CHN2: variants seen among roughly 807,000 people sequenced by gnomAD.
CHN2 encodes the protein chimerin 2.
Under a neutral mutation model 56.3 loss-of-function variants are expected in CHN2, and 35 were observed. The ratio of observed to expected loss-of-function variants is 0.62; its 90% CI spans 0.47 to 0.82. The LOEUF is 0.82. CHN2 is among the 40% of genes least tolerant of loss of function. CHN2 has a pLI of 0.00. For missense variants in CHN2, 491 were observed against 580.5 expected, an observed-to-expected ratio of 0.85 and a Z score of 1.58; for synonymous variants, 210 against 212.8, an observed-to-expected ratio of 0.99 and a Z score of 0.12.
At chr7:29,445,196 G>A (rs927621624) in intron 6 of CHN2, 2 of 455,454 alleles carry the variant, frequency 4.4e-6, no homozygotes, top group Admixed American at 4.7e-5. Flanking sequence ...CAGACCCACA[G>A]AATAAGTAAG....
chr7:29,280,839 A>G (rs1472130837), intron 1 of CHN2, among the ~76,000 whole-genome samples: 1 of 152,022 alleles, frequency 6.6e-6, no homozygotes, highest in Non-Finnish European at 1.5e-5. Flanking sequence ...GCTCATGCCT[A>G]TAATCCCAGC....
chr7:29,409,761 G>A (rs12537629), intron 6 of CHN2, among the ~76,000 whole-genome samples: 8,179 of 152,296 alleles, frequency 0.054, 339 homozygotes, highest in Admixed American at 0.11. Flanking sequence ...TTGACATCAT[G>A]GACTCTCTAA....
At chr7:29,207,186 A>G (rs1376854117) in intron 1 of CHN2, among the ~76,000 whole-genome samples, 1 of 152,256 alleles carries the variant, frequency 6.6e-6, no homozygotes, top group African/African-American at 2.4e-5. Flanking sequence ...TGAATCAGTC[A>G]TAACGTGAGC....
Position 29,411,020 on chromosome 7 carries a change from TCTTA to T in CHN2, c.576+10196_576+10199del, listed in dbSNP as rs1308982221. 2.6e-5 allele frequency among the ~76,000 whole-genome samples: 4 copies of T among 152,172 alleles called. No homozygotes were observed. In the East Asian group the frequency reaches 7.7e-4, roughly 29 times the overall value. On this transcript the variant is annotated intron_variant, in intron 6 of 12. Transcript: ENST00000222792. ...TTTTAAAATCTTGCCTTCCCCACCT[TCTTA>T]CTTTAATCAGATCAAATAAACATTT...
At chr7:29,357,776 AT>A (rs1798418510) in intron 2 of CHN2, among the ~76,000 whole-genome samples, 1 of 152,220 alleles carries the variant, frequency 6.6e-6, no homozygotes, top group Non-Finnish European at 1.5e-5. Context: ...AAAAATCCAA[AT>A]ATGCTAAAAT....
At chr7:29,191,940 G>T (rs759091634), upstream of CHN2, 28 of 152,220 alleles carry the variant, frequency 1.8e-4, no homozygotes, top group Non-Finnish European at 4.0e-4. Context: ...GCAAGGAGCA[G>T]CCAGCCTTCA....
At chr7:29,164,779 C>CAAAAAAAAAAAAAAAAAAAAAAAAAAAAA (rs55742522) in intron 2 of CHN2, among the ~76,000 whole-genome samples, 1 of 85,880 alleles carries the variant, frequency 1.2e-5, no homozygotes. Flanking sequence ...AGACCTGTCT[C>CAAAAAAAAAAAAAAAAAAAAAAAAAAAAA]AAAAAAAAAA....
chr7:29,248,840 G>A (rs932254291), intron 1 of CHN2, among the ~76,000 whole-genome samples: 11 of 152,126 alleles, frequency 7.2e-5, no homozygotes, highest in African/African-American at 2.7e-4. Context: ...CTGGCCATGT[G>A]ACTCTGGAGA....
intron 6 of CHN2, among the ~76,000 whole-genome samples, chr7:29,444,561 T>G (rs953172674): frequency 2.0e-5 from 3 of 152,226 alleles, no homozygotes; most frequent in Non-Finnish European, 2.9e-5. Context: ...CCACGTGACT[T>G]CTGTTTCCAG....
intron 1 of CHN2, among the ~76,000 whole-genome samples, chr7:29,336,759 CAAAAAAAAAAAAAAA>C (rs5883205): frequency 1.3e-4 from 9 of 68,580 alleles, no homozygotes; most frequent in East Asian, 5.3e-4. Context: ...GATTCTGTCT[CAAAAAAAAAAAAAAA>C]AAAAAAAAAA....
At chr7:29,371,043 A>G (rs10281468) in intron 3 of CHN2, among the ~76,000 whole-genome samples, 4,522 of 152,292 alleles carry the variant, frequency 0.03, 234 homozygotes, top group African/African-American at 0.1. Flanking sequence ...CAGGGTTGCT[A>G]TAAATGGCAT....
intron 7 of CHN2, among the ~76,000 whole-genome samples, chr7:29,481,815 G>A (rs1217439193): frequency 6.6e-6 from 1 of 151,986 alleles, no homozygotes; most frequent in Non-Finnish European, 1.5e-5. Context: ...TCATGGACTT[G>A]TAAATTCTTT....
intron 1 of CHN2, among the ~76,000 whole-genome samples, chr7:29,282,816 T>C (rs936757121): frequency 3.3e-5 from 5 of 152,172 alleles, no homozygotes; most frequent in African/African-American, 1.2e-4. Flanking sequence ...GACATAATCT[T>C]ATTTGCTGGC....
chr7:29,431,721 C>T (rs1183139805), intron 6 of CHN2, among the ~76,000 whole-genome samples: 1 of 152,190 alleles, frequency 6.6e-6, no homozygotes, highest in African/African-American at 2.4e-5. Flanking sequence ...CAGTCATGAA[C>T]CGAGACCATC....
At chr7:29,320,421 A>G (rs1389240137) in intron 1 of CHN2, among the ~76,000 whole-genome samples, 1 of 152,130 alleles carries the variant, frequency 6.6e-6, no homozygotes, top group Non-Finnish European at 1.5e-5. Context: ...CATCCTTGCA[A>G]AGGTTTGCCA....
In CHN2 at chr7:29,393,593, C is replaced by A. The variant is rs1349367888; in HGVS notation, c.145-86C>A. On this transcript the variant is annotated intron_variant, in intron 3 of 12. Transcript: ENST00000222792. ...ATCTGTAATAAAATTACTACCAGGA[C>A]CCTAGTTCTGTTTATTTGAATAGCA... The A allele has an allele frequency of 5.0e-6, 3 of 602,124 alleles. No homozygotes were observed. In the East Asian group the frequency reaches 2.0e-4, roughly 41 times the overall value. The allele number at this position is 602,124 out of a possible 1,614,324, so 37.3% of individuals were successfully genotyped here.
At chr7:29,228,011 A>T (rs528524628) in intron 1 of CHN2, among the ~76,000 whole-genome samples, 58 of 152,284 alleles carry the variant, frequency 3.8e-4, no homozygotes, top group African/African-American at 1.4e-3. Flanking sequence ...TTCAGATTGT[A>T]TGACAAATTC....
At chr7:29,178,919 G>T (rs1382474365) in intron 2 of CHN2, among the ~76,000 whole-genome samples, 17 of 152,118 alleles carry the variant, frequency 1.1e-4, no homozygotes, top group Non-Finnish European at 2.5e-4. Flanking sequence ...CTAATAAAAA[G>T]AACACTAACA....
chr7:29,485,421 T>C (rs1050738562), intron 7 of CHN2, among the ~76,000 whole-genome samples: 1 of 152,152 alleles, frequency 6.6e-6, no homozygotes, highest in Non-Finnish European at 1.5e-5. Flanking sequence ...CCTGTGGTGA[T>C]GTATAAAAAA....
Sources: gnomAD v4.1 joint callset for allele counts (sites outside exome capture counted in the v4.1 genomes callset) on GRCh38, gnomAD v4.1.1 for gene constraint, MANE v1.5 for transcripts, NCBI Gene and HGNC (gene_info 2026-07-23, HGNC 2026-07-21) for gene names.